DHX57: variants seen among roughly 807,000 people sequenced by gnomAD.
DHX57 encodes DExH-box helicase 57, also known as putative ATP-dependent RNA helicase DHX57.
DHX57 carries 105 observed loss-of-function variants against 156.2 expected under a neutral mutation model. That is an observed-to-expected ratio of 0.67 (90% CI 0.57 to 0.79). The LOEUF (loss-of-function observed/expected upper bound fraction) is 0.79. Among genes scored for constraint, DHX57 ranks in the 30% least tolerant of loss-of-function variants. DHX57 has a pLI of 0.00. For missense variants in DHX57, 1,847 were observed against 1,661.9 expected (o/e 1.11, Z -1.94); for synonymous variants, 704 against 595.6 (o/e 1.18, Z -2.65).
chr2:38,823,616 A>G (rs992336642), intron 16 of DHX57, among the ~76,000 whole-genome samples: 1 of 152,190 alleles, frequency 6.6e-6, no homozygotes, highest in East Asian at 1.9e-4. Context: ...TGCAGCCACT[A>G]TGAAAAACAG....
At chr2:38,868,012 A>T (rs1665166374) in intron 2 of DHX57, among the ~76,000 whole-genome samples, 170 bp downstream of exon 2, 1 of 152,214 alleles carries the variant, frequency 6.6e-6, no homozygotes, top group Non-Finnish European at 1.5e-5. Context: ...TGCAACCTAC[A>T]TACACACAAA....
intron 1 of DHX57, among the ~76,000 whole-genome samples, chr2:38,869,242 G>C (rs908860519): frequency 2.6e-5 from 4 of 152,222 alleles, no homozygotes; most frequent in African/African-American, 9.6e-5. Context: ...GAAGTAGGCC[G>C]TAAGACAGAT....
At chr2:38,835,049 G>A (rs1231391162) in intron 13 of DHX57, among the ~76,000 whole-genome samples, 2 of 152,114 alleles carry the variant, frequency 1.3e-5, no homozygotes, top group Non-Finnish European at 2.9e-5. Context: ...TTTAGAAAGA[G>A]GTTTGGCTTT....
chr2:38,863,650 T>A, intron 2 of DHX57, 131 bp from the exon 3 acceptor site: 1 of 826,732 alleles, frequency 1.2e-6, no homozygotes, highest in Non-Finnish European at 1.8e-6. Flanking sequence ...ACAATGAATG[T>A]GAGGAGATTC....
chr2:38,847,729 A>G (rs1424469064), intron 10 of DHX57, among the ~76,000 whole-genome samples: 2 of 152,212 alleles, frequency 1.3e-5, no homozygotes, highest in East Asian at 3.8e-4. Flanking sequence ...TGTTAAACAC[A>G]ATGGAATGCT....
chr2:38,819,933 A>C (rs1318681261), intron 17 of DHX57, among the ~76,000 whole-genome samples: 1 of 152,244 alleles, frequency 6.6e-6, no homozygotes, highest in African/African-American at 2.4e-5. Context: ...GTGTAAAATC[A>C]GCAGGGAAGT....
intron 14 of DHX57, among the ~76,000 whole-genome samples, chr2:38,827,851 T>C (rs1030261885): frequency 6.6e-6 from 1 of 152,062 alleles, no homozygotes; most frequent in Non-Finnish European, 1.5e-5. Flanking sequence ...TGAGTCACTA[T>C]GCTAAGTGAA....
chr2:38,821,925 A>T (rs1402101476), intron 17 of DHX57, among the ~76,000 whole-genome samples: 1 of 152,198 alleles, frequency 6.6e-6, no homozygotes, highest in Non-Finnish European at 1.5e-5. Context: ...AGAAAAAAAT[A>T]AACTATCACA....
At chr2:38,858,074 G>GTTTT (rs1238551931) in intron 6 of DHX57, among the ~76,000 whole-genome samples, 1 of 151,978 alleles carries the variant, frequency 6.6e-6, no homozygotes, top group African/African-American at 2.4e-5. Flanking sequence ...GTTTTGTTTT[G>GTTTT]TTTTTGAGAC....
At chr2:38,854,647 C>T (rs1255431364) in intron 8 of DHX57, 1 of 167,066 alleles carries the variant, frequency 6.0e-6, no homozygotes, top group South Asian at 1.5e-4. Context: ...TTGCAACTTC[C>T]GTCTCCCAGG....
chr2:38,856,430 T>C lies in DHX57; in HGVS notation c.1619A>G (p.Glu540Gly). The C allele has an allele frequency of 6.2e-7, 1 of 1,613,780 alleles. No homozygotes were observed. The change falls in exon 7 of 24, where the codon GAG becomes GGG. Residue 540 changes from glutamate (E) to glycine (G), a missense_variant. Coordinates refer to ENST00000457308, the MANE Select transcript of DHX57 (RefSeq NM_198963.3). Reference sequence around the variant, plus strand: ...TTCCCAAGCAGGGAGTGATTGCCTCTCTTGCAGAATGGACTGGAACTGTCT... The same window carrying C: ...TTCCCAAGCAGGGAGTGATTGCCTCCCTTGCAGAATGGACTGGAACTGTCT... ...ASRQFQSILQ[E>G]RQSLPAWEER...
At chr2:38,870,617 T>C (rs12479099) in intron 1 of DHX57, among the ~76,000 whole-genome samples, 141,369 of 152,306 alleles carry the variant, frequency 0.93, 66,563 homozygotes, top group East Asian at 1. Flanking sequence ...TGGTGGCTCA[T>C]GCCTGTAATT....
chr2:38,808,114 T>C (rs10173038), intron 21 of DHX57, among the ~76,000 whole-genome samples: 143,948 of 151,564 alleles, frequency 0.95, 68,822 homozygotes, highest in East Asian at 1. Flanking sequence ...GCCACCACAC[T>C]CAGCTAATTT....
chr2:38,822,094 T>C (rs900448305), intron 17 of DHX57, among the ~76,000 whole-genome samples: 1 of 152,200 alleles, frequency 6.6e-6, no homozygotes, highest in Admixed American at 6.5e-5. Flanking sequence ...ATGATAATTT[T>C]TTTTTTTGAG....
intron 9 of DHX57, among the ~76,000 whole-genome samples, chr2:38,850,906 C>T (rs78307808): frequency 0.015 from 2,287 of 152,074 alleles, 67 homozygotes; most frequent in African/African-American, 0.052. Context: ...GAAACTCCGA[C>T]TCTATTAAAA....
chr2:38,814,119 G>T (rs1225938547), intron 20 of DHX57, among the ~76,000 whole-genome samples: 1 of 152,008 alleles, frequency 6.6e-6, no homozygotes, highest in Non-Finnish European at 1.5e-5. Context: ...TGTATTTTTA[G>T]TAGAGACAAG....
chr2:38,856,837 G>C (rs748664323), intron 6 of DHX57: 2 of 159,714 alleles, frequency 1.3e-5, no homozygotes, highest in African/African-American at 2.4e-5. Flanking sequence ...GGATGGTCTT[G>C]CACTCCTGGC....
intron 12 of DHX57, among the ~76,000 whole-genome samples, chr2:38,841,828 G>A (rs1572673995): frequency 6.6e-6 from 1 of 152,204 alleles, no homozygotes; most frequent in African/African-American, 2.4e-5. Context: ...GGAACAAAGA[G>A]TAGCCAGCTA....
chr2:38,806,700 A>G lies in DHX57; in HGVS notation c.3682-7T>C. 1.9e-6 allele frequency: 3 copies of G among 1,612,518 alleles called. No homozygotes were observed. Among genetic ancestry groups the G allele is most frequent in the Non-Finnish European group, 1.7e-6 (2 of 1,179,486 alleles). ...TTCCTTCTGGGCTTTTCACCTAAAC[A>G]ACAAGTATTTGTAAAAATAGACATA... is the stretch of plus-strand genomic sequence containing the variant. On this transcript the variant is annotated splice_polypyrimidine_tract_variant and splice_region_variant and intron_variant, in intron 21 of 23. Coordinates refer to ENST00000457308, the MANE Select transcript of DHX57 (RefSeq NM_198963.3).
Sources: allele counts gnomAD v4.1 joint callset (sites outside exome capture counted in the v4.1 genomes callset), GRCh38; gene constraint gnomAD v4.1.1; transcripts MANE v1.5; gene names NCBI Gene and HGNC (gene_info 2026-07-23, HGNC 2026-07-21).